The following DZIP1 variants were observed in gnomAD, a reference collection of about 807,000 sequenced individuals.
DZIP1 encodes DAZ interacting zinc finger protein 1.
DZIP1 carries 97 observed loss-of-function variants against 107.6 expected under a neutral mutation model. That is an observed-to-expected ratio of 0.90 (90% CI 0.77 to 1.07). The LOEUF (loss-of-function observed/expected upper bound fraction) is 1.07, where lower values mean the gene tolerates loss of function less well. DZIP1 is among the 50% of genes least tolerant of loss of function. The pLI is 0.00. For missense variants in DZIP1, 1,035 were observed against 1,063.6 expected, an observed-to-expected ratio of 0.97 and a Z score of 0.37; for synonymous variants, 390 against 386.4, an observed-to-expected ratio of 1.01 and a Z score of -0.11.
At chr13:95,584,129 A>C (rs2044082439) in intron 22 of DZIP1, among the ~76,000 whole-genome samples, 1 of 151,784 alleles carries the variant, frequency 6.6e-6, no homozygotes. Context: ...GGCGCGCACC[A>C]CCATGCCCAA....
chr13:95,633,053 T>C (rs905488160), intron 6 of DZIP1, among the ~76,000 whole-genome samples, 181 bp downstream of exon 6: 19 of 152,184 alleles, frequency 1.2e-4, no homozygotes, highest in African/African-American at 4.3e-4. Flanking sequence ...AGCTTGTGGC[T>C]GTATCTCCAG....
intron 14 of DZIP1, among the ~76,000 whole-genome samples, chr13:95,600,814 T>G (rs1307543967): frequency 1.3e-5 from 2 of 152,176 alleles, no homozygotes; most frequent in African/African-American, 2.4e-5. Flanking sequence ...AGTGTGGACA[T>G]AGCCATGAAG....
chr13:95,615,941 T>G (rs918438518), intron 10 of DZIP1, among the ~76,000 whole-genome samples: 2 of 152,182 alleles, frequency 1.3e-5, no homozygotes, highest in African/African-American at 4.8e-5. Context: ...GAAACCAAAG[T>G]TGTGCTGGTT....
chr13:95,600,253 T>A (rs2044572924), intron 14 of DZIP1, among the ~76,000 whole-genome samples: 1 of 152,130 alleles, frequency 6.6e-6, no homozygotes, highest in Non-Finnish European at 1.5e-5. Flanking sequence ...TGGGATGAAA[T>A]GCAACCAGCA....
chr13:95,634,072 G>A (rs1157282268), intron 5 of DZIP1, among the ~76,000 whole-genome samples: 1 of 152,152 alleles, frequency 6.6e-6, no homozygotes, highest in Non-Finnish European at 1.5e-5. Flanking sequence ...TAGACTGACA[G>A]CTTCCACTCT....
rs902897498 is a variant in DZIP1 at position 95,580,003 on chromosome 13, G to T, written c.*2231C>A. 6.6e-6 allele frequency: 1 copy of T among 152,092 alleles called. No homozygotes were observed. Among genetic ancestry groups the T allele is most frequent in the Non-Finnish European group, 1.5e-5 (1 of 68,020 alleles). The allele number at this position is 152,092 out of a possible 1,614,324, so 9.4% of individuals were successfully genotyped here. On this transcript the variant is annotated 3_prime_UTR_variant, in exon 23 of 23. Transcript: ENST00000376829. The stretch of plus-strand genomic sequence containing the variant: ...TCAGTAAGGGGCAACATAAAGGAAT[G>T]GTTCCCCTCAAAAACGAACAAACCA...
chr13:95,584,255 G>A lies in DZIP1; in HGVS notation c.2524+481C>T, dbSNP rs1424442810. 5.4e-5 allele frequency among the ~76,000 whole-genome samples: 8 copies of A among 147,528 alleles called. No individual in the cohort carries two copies. In the East Asian group the frequency reaches 1.2e-3, roughly 23 times the overall value. On this transcript the variant is annotated intron_variant, in intron 22 of 22. Transcript: ENST00000376829. Reference sequence around the variant, plus strand: ...CTCCCAAAGTGCTGGGATTACAGGCGTGAGCCACTGCGCCTGGCCAAAAAA... The same window carrying A: ...CTCCCAAAGTGCTGGGATTACAGGCATGAGCCACTGCGCCTGGCCAAAAAA...
chr13:95,593,358 T>C (rs1566368241), intron 16 of DZIP1, among the ~76,000 whole-genome samples: 1 of 152,262 alleles, frequency 6.6e-6, no homozygotes, highest in African/African-American at 2.4e-5. Flanking sequence ...TATGTGTATA[T>C]ATGCATATGT....
intron 14 of DZIP1, among the ~76,000 whole-genome samples, chr13:95,605,772 G>C (rs1254319057): frequency 6.6e-6 from 1 of 152,146 alleles, no homozygotes; most frequent in African/African-American, 2.4e-5. Context: ...TTGTGAGTCT[G>C]GCAACCTTTT....
Position 95,584,181 on chromosome 13 carries a change from T to C in DZIP1, c.2524+555A>G, listed in dbSNP as rs1357027803. Among the ~76,000 whole-genome samples the C allele has an allele frequency of 2.0e-5, 3 of 151,302 alleles. 1 individual carries two copies. ...TAGCAGAGACAGCGTTTCACCATGT[T>C]GGCCAGGATGGTCTCAATCTCTTGA... On this transcript the variant is annotated intron_variant, in intron 22 of 22. Transcript: ENST00000376829.
chr13:95,607,604 A>G (rs2044822574), intron 13 of DZIP1, among the ~76,000 whole-genome samples: 1 of 152,206 alleles, frequency 6.6e-6, no homozygotes, highest in African/African-American at 2.4e-5. Flanking sequence ...ACAATGGCAG[A>G]GGTGAGTAGT....
rs894284201 is a variant in DZIP1, at chr13:95,584,246, A to C, written c.2524+490T>G. Reference sequence around the variant, plus strand: ...CGCCTTGGCCTCCCAAAGTGCTGGGATTACAGGCGTGAGCCACTGCGCCTG... The same window carrying C: ...CGCCTTGGCCTCCCAAAGTGCTGGGCTTACAGGCGTGAGCCACTGCGCCTG... On this transcript the variant is annotated intron_variant, in intron 22 of 22. Transcript: ENST00000376829. 2.0e-5 allele frequency among the ~76,000 whole-genome samples: 3 copies of C among 148,534 alleles called. No homozygotes were observed. In the East Asian group the frequency reaches 6.3e-4, roughly 31 times the overall value.
At chr13:95,587,449 C>T in intron 20 of DZIP1, 90 bp downstream of exon 20, 1 of 1,526,382 alleles carries the variant, frequency 6.6e-7, no homozygotes, top group Non-Finnish European at 8.9e-7. Flanking sequence ...GCACACCCTC[C>T]CAGCTCAGAC....
At chr13:95,584,415 G>A (rs985920439) in intron 22 of DZIP1, among the ~76,000 whole-genome samples, 3 of 152,014 alleles carry the variant, frequency 2.0e-5, no homozygotes, top group African/African-American at 2.4e-5. Context: ...AGGGCTGTTT[G>A]AGCCTAGAAG....
chr13:95,631,760 A>G (rs1877223086), intron 6 of DZIP1, among the ~76,000 whole-genome samples: 1 of 152,048 alleles, frequency 6.6e-6, no homozygotes. Context: ...GTCCAGATGA[A>G]GCCTCATGTC....
intron 15 of DZIP1, among the ~76,000 whole-genome samples, chr13:95,597,620 G>T (rs1335892531): frequency 1.3e-5 from 2 of 152,228 alleles, no homozygotes; most frequent in Admixed American, 6.5e-5. Flanking sequence ...GGGCAAAAGA[G>T]TTGAGGGGGA....
chr13:95,598,552 G>T (rs761384274), intron 15 of DZIP1, among the ~76,000 whole-genome samples: 5 of 151,990 alleles, frequency 3.3e-5, no homozygotes, highest in Admixed American at 6.6e-5. Flanking sequence ...TATATATTAG[G>T]ATATATATCA....
intron 13 of DZIP1, among the ~76,000 whole-genome samples, chr13:95,607,809 T>C (rs2044831521): frequency 6.6e-6 from 1 of 152,342 alleles, no homozygotes; most frequent in South Asian, 2.1e-4. Context: ...ATTCCCTTAT[T>C]ATGAAAGGGT....
chr13:95,589,237 A>G (rs1388023783), intron 18 of DZIP1, 30 bp from the exon 19 acceptor site: 15 of 1,489,964 alleles, frequency 1.0e-5, no homozygotes, highest in African/African-American at 1.4e-5. Context: ...ATATTTTTAA[A>G]TTGCATAAGT....
Sources: allele counts gnomAD v4.1 joint callset (sites outside exome capture counted in the v4.1 genomes callset), GRCh38; gene constraint gnomAD v4.1.1; transcripts MANE v1.5; gene names NCBI Gene and HGNC (gene_info 2026-07-23, HGNC 2026-07-21).